PCDHA12: variants seen among roughly 807,000 people sequenced by gnomAD.
PCDHA12 encodes protocadherin alpha-12.
Under a neutral mutation model 60.0 loss-of-function variants are expected in PCDHA12, and 44 were observed. That is an observed-to-expected ratio of 0.73 (90% CI 0.58 to 0.94). The LOEUF is 0.94. PCDHA12 is among the 40% of genes least tolerant of loss of function. The pLI is 0.00. For missense variants in PCDHA12, 1,276 were observed against 1,239.7 expected (o/e 1.03, Z -0.44); for synonymous variants, 569 against 553.0 (o/e 1.03, Z -0.40).
chr5:140,907,623 G>A (rs553186767), intron 1 of PCDHA12, among the ~76,000 whole-genome samples: 3 of 152,234 alleles, frequency 2.0e-5, no homozygotes, highest in Non-Finnish European at 2.9e-5. Context: ...AGGGCTCAGT[G>A]TTGGTCTCTG....
In PCDHA12 at chr5:140,882,450, C is replaced by A. The variant is rs781827745; in HGVS notation, c.2367+4611C>A. On this transcript the variant is annotated intron_variant, in intron 1 of 3. Transcript: ENST00000398631. ...GGGCTGGAGCTGGCGGAGCTGGTGC[C>A]GCGCCTGTTCCGGGTGGCGTCCAAA... The A allele has an allele frequency of 1.7e-5, 28 of 1,613,872 alleles. No individual in the cohort carries two copies. In the East Asian group the frequency reaches 4.5e-4, roughly 26 times the overall value.
intron 1 of PCDHA12, among the ~76,000 whole-genome samples, chr5:140,942,855 A>G (rs1323763970): frequency 6.6e-6 from 1 of 152,110 alleles, no homozygotes; most frequent in African/African-American, 2.4e-5. Flanking sequence ...TAAGATGATT[A>G]TTTTGCTTTA....
intron 1 of PCDHA12, among the ~76,000 whole-genome samples, chr5:140,956,378 G>A (rs1317429422): frequency 5.9e-5 from 9 of 152,072 alleles, no homozygotes; most frequent in African/African-American, 1.7e-4. Context: ...GAATTTTATC[G>A]AAGGCCTTTT....
At chr5:140,945,935 G>T (rs2093863887) in intron 1 of PCDHA12, among the ~76,000 whole-genome samples, 1 of 151,964 alleles carries the variant, frequency 6.6e-6, no homozygotes, top group Admixed American at 6.6e-5. Flanking sequence ...GAGCAATGAT[G>T]TTTTTTATAT....
chr5:140,940,029 C>T (rs1411990785), intron 1 of PCDHA12, among the ~76,000 whole-genome samples: 4 of 152,136 alleles, frequency 2.6e-5, no homozygotes, highest in East Asian at 1.9e-4. Flanking sequence ...TGTTTTAAGG[C>T]TATTTTATTT....
intron 1 of PCDHA12, among the ~76,000 whole-genome samples, chr5:140,897,960 T>C (rs2066423336): frequency 6.6e-6 from 1 of 152,276 alleles, no homozygotes; most frequent in South Asian, 2.1e-4. Flanking sequence ...CATTTTTTCA[T>C]GTGTCTTTTG....
At chr5:140,949,237 A>G (rs1239213091) in intron 1 of PCDHA12, among the ~76,000 whole-genome samples, 1 of 151,790 alleles carries the variant, frequency 6.6e-6, no homozygotes, top group South Asian at 2.1e-4. Context: ...GTGGCCCAGC[A>G]ACAGTCTATC....
intron 3 of PCDHA12, among the ~76,000 whole-genome samples, chr5:141,007,992 C>T (rs1215200964): frequency 1.3e-5 from 2 of 152,132 alleles, no homozygotes; most frequent in Admixed American, 6.5e-5. Context: ...ATGAAATGTA[C>T]ATGTTAATAA....
rs781827236 is a variant in PCDHA12, at chr5:140,877,873, T to C, written c.2367+34T>C. ...TTAATATTATTTAGATATATTTGTT[T>C]CCTTGAAGAACTTCCGTTTAGGTTA... On this transcript the variant is annotated intron_variant, in intron 1 of 3. Transcript: ENST00000398631. 6.8e-6 allele frequency: 10 copies of C among 1,481,404 alleles called. 1 individual carries two copies. In the Admixed American group the frequency reaches 2.1e-4, roughly 30 times the overall value. 91.8% of individuals were successfully genotyped at this position (1,481,404 alleles called of 1,614,324 possible).
chr5:140,960,913 T>C (rs184385777), intron 1 of PCDHA12, among the ~76,000 whole-genome samples: 10 of 152,320 alleles, frequency 6.6e-5, no homozygotes, highest in Admixed American at 2.6e-4. Flanking sequence ...GAGTTTCAGA[T>C]AGAAAATTGG....
chr5:140,930,231 A>G (rs1234850185), intron 1 of PCDHA12: 3 of 152,238 alleles, frequency 2.0e-5, no homozygotes, highest in Non-Finnish European at 4.4e-5. Context: ...TGCACTTACC[A>G]TCCAAAGTCC....
chr5:140,956,749 G>A (rs1179471294), intron 1 of PCDHA12, among the ~76,000 whole-genome samples: 5 of 152,144 alleles, frequency 3.3e-5, no homozygotes, highest in African/African-American at 1.2e-4. Context: ...ACCTCTGATA[G>A]AATTCAGCTG....
intron 3 of PCDHA12, among the ~76,000 whole-genome samples, chr5:141,000,399 A>ATT (rs2097917152): frequency 1.5e-5 from 1 of 66,842 alleles, no homozygotes; most frequent in Non-Finnish European, 2.7e-5. Context: ...CTCTCTCTAT[A>ATT]TATATATATA....
intron 1 of PCDHA12, among the ~76,000 whole-genome samples, chr5:140,904,727 A>G (rs953402398): frequency 7.2e-5 from 11 of 151,992 alleles, no homozygotes; most frequent in African/African-American, 2.4e-4. Flanking sequence ...GCCAACATCT[A>G]TTATTTTTTT....
chr5:140,922,049 T>G (rs1368623726), intron 1 of PCDHA12, among the ~76,000 whole-genome samples: 1 of 152,066 alleles, frequency 6.6e-6, no homozygotes, highest in African/African-American at 2.4e-5. Context: ...CCCACATACC[T>G]TCAAAATGTA....
intron 1 of PCDHA12, among the ~76,000 whole-genome samples, chr5:140,893,840 T>C (rs548325710): frequency 6.6e-6 from 1 of 152,312 alleles, no homozygotes; most frequent in Non-Finnish European, 1.5e-5. Flanking sequence ...GCCATCCTGA[T>C]GCCCTACCTC....
intron 1 of PCDHA12, among the ~76,000 whole-genome samples, chr5:140,900,657 C>T (rs116775770): frequency 0.011 from 1,723 of 152,294 alleles, 23 homozygotes; most frequent in African/African-American, 0.039. Context: ...CTGCAATGAA[C>T]AATGGGAGTG....
At chr5:140,885,280 A>G (rs2060543465) in intron 1 of PCDHA12, among the ~76,000 whole-genome samples, 2 of 152,138 alleles carry the variant, frequency 1.3e-5, no homozygotes, top group Admixed American at 6.5e-5. Context: ...ATATATATAC[A>G]TATATAGAGA....
At position 140,876,936 on chromosome 5, in the gene PCDHA12, G is replaced by T; in HGVS notation, c.1464G>T (p.Ala488=). 6.2e-7 allele frequency: 1 copy of T among 1,613,730 alleles called. No individual in the cohort carries two copies. The highest frequency in any genetic ancestry group is 1.1e-5 in the South Asian group (1 of 91,062). ...GGGACGCGGACGCGCAGAAGAACGC[G>T]CTGGTGTCCTACTCGCTGGTGGAGC... is the stretch of plus-strand genomic sequence containing the variant. ...SAWDADAQKN[A]LVSYSLVERR... The change falls in exon 1 of 4, where the codon GCG becomes GCT. Residue 488 remains alanine, a synonymous_variant. Coordinates refer to ENST00000398631, the MANE Select transcript of PCDHA12 (RefSeq NM_018903.4).
Sources: allele counts gnomAD v4.1 joint callset (sites outside exome capture counted in the v4.1 genomes callset), GRCh38; gene constraint gnomAD v4.1.1; transcripts MANE v1.5; gene names NCBI Gene and HGNC (gene_info 2026-07-23, HGNC 2026-07-21).